DNAL1: variants seen among roughly 807,000 people sequenced by gnomAD.
DNAL1 encodes dynein axonemal light chain 1, also known as chromosome 14 open reading frame 168.
A neutral mutation model predicts 29.4 loss-of-function variants in DNAL1; 17 were observed. That is an observed-to-expected ratio of 0.58 (90% CI 0.40 to 0.87). The LOEUF (loss-of-function observed/expected upper bound fraction) is 0.87. DNAL1 is among the 40% of genes least tolerant of loss of function. The pLI is 0.00. For synonymous variants in DNAL1, 78 were observed against 76.3 expected, an observed-to-expected ratio of 1.02 and a Z score of -0.12; for missense variants, 188 against 214.1, an observed-to-expected ratio of 0.88 and a Z score of 0.76.
rs1892425829 is a variant in DNAL1 at position 73,701,027 on chromosome 14, TG to T, written c.*5086del. The stretch of plus-strand genomic sequence containing the variant: ...TCTCTATTCCTGCATTTTATAAATC[TG>T]TAAAGGAAGAAAACTGAAAGGAAGA... On this transcript the variant is annotated 3_prime_UTR_variant, in exon 8 of 8. Transcript: ENST00000553645. 6.6e-6 allele frequency: 1 copy of T among 152,246 alleles called. No homozygotes were observed. The highest frequency in any genetic ancestry group is 2.4e-5 in the African/African-American group (1 of 41,468). The allele number at this position is 152,246 out of a possible 1,614,324, so 9.4% of individuals were successfully genotyped here.
In DNAL1 at chr14:73,672,304, C is replaced by T. The variant is rs557328930; in HGVS notation, c.264+707C>T. ...GAGGTACTGATGAGTTTATAAAATG[C>T]TGGAAATTCTTAAGGGTCAGGCTGA... On this transcript the variant is annotated intron_variant, in intron 5 of 7. Coordinates refer to ENST00000553645, the MANE Select transcript of DNAL1 (RefSeq NM_031427.4). Among the ~76,000 whole-genome samples the T allele has an allele frequency of 8.1e-3, 1,227 of 152,224 alleles. 24 individuals carry two copies. The highest frequency in any genetic ancestry group is 0.028 in the African/African-American group (1,163 of 41,532).
Position 73,700,179 on chromosome 14 carries a change from C to G in DNAL1, c.*4237C>G, listed in dbSNP as rs560748708. On this transcript the variant is annotated 3_prime_UTR_variant, in exon 8 of 8. Coordinates refer to ENST00000553645, the MANE Select transcript of DNAL1 (RefSeq NM_031427.4). ...CCAGCCTGGCCAACGTGGTGAAACC[C>G]CATGTCTACCAAAAATATAAAAAGA... 4 of 152,256 alleles carry G rather than the reference C, an allele frequency of 2.6e-5. No individual in the cohort carries two copies. In the East Asian group the frequency reaches 7.7e-4, roughly 29 times the overall value. 9.4% of individuals were successfully genotyped at this position (152,256 alleles called of 1,614,324 possible).
chr14:73,702,078 G>GGTGTGTGTGTGTGTGT lies in DNAL1; in HGVS notation c.*6148_*6163dup, dbSNP rs10679978. 6.8e-6 allele frequency: 1 copy of GGTGTGTGTGTGTGTGT among 147,652 alleles called. No homozygotes were observed. The highest frequency in any genetic ancestry group is 2.0e-4 in the East Asian group (1 of 5,070). 9.1% of individuals were successfully genotyped at this position (147,652 alleles called of 1,614,324 possible). On this transcript the variant is annotated 3_prime_UTR_variant, in exon 8 of 8. Coordinates refer to ENST00000553645, the MANE Select transcript of DNAL1 (RefSeq NM_031427.4). ...ATAACATGTACCATGCAGTTTGTGT[G>GGTGTGTGTGTGTGTGT]GTGTGTGTGTGTGTGTGTGTGTGTG...
chr14:73,679,968 A>G (rs1196710548), intron 5 of DNAL1, among the ~76,000 whole-genome samples: 5 of 151,732 alleles, frequency 3.3e-5, no homozygotes, highest in African/African-American at 1.2e-4. Context: ...ACTCCTGGAT[A>G]TGCATGGGTA....
intron 4 of DNAL1, among the ~76,000 whole-genome samples, chr14:73,667,407 G>A (rs1297667688): frequency 6.6e-6 from 1 of 152,098 alleles, no homozygotes; most frequent in African/African-American, 2.4e-5. Flanking sequence ...GGGATTACAG[G>A]CATGAGCCAC....
intron 5 of DNAL1, among the ~76,000 whole-genome samples, chr14:73,678,465 CTG>C (rs1389070705): frequency 6.7e-5 from 10 of 149,888 alleles, no homozygotes; most frequent in Non-Finnish European, 1.0e-4. Context: ...GATAAAGAAA[CTG>C]AGGCTCAGTT....
chr14:73,689,315 GACC>G (rs1892107543), intron 6 of DNAL1, 57 bp from the exon 7 acceptor site: 1 of 1,541,884 alleles, frequency 6.5e-7, no homozygotes, highest in Non-Finnish European at 8.8e-7. Flanking sequence ...TACAGGCGTG[GACC>G]ACCGCACCCG....
intron 4 of DNAL1, among the ~76,000 whole-genome samples, chr14:73,666,568 T>C (rs769179818): frequency 5.7e-4 from 87 of 152,318 alleles, no homozygotes; most frequent in South Asian, 1.9e-3. Flanking sequence ...ATGGAAAATA[T>C]ATATTATGTT....
intron 1 of DNAL1, among the ~76,000 whole-genome samples, chr14:73,654,555 C>T (rs181334072): frequency 2.0e-5 from 3 of 152,168 alleles, no homozygotes; most frequent in Admixed American, 6.5e-5. Flanking sequence ...TCAAGGAGTT[C>T]GAGACCACCC....
intron 5 of DNAL1, among the ~76,000 whole-genome samples, chr14:73,673,855 G>A (rs1891668418): frequency 6.7e-6 from 1 of 149,392 alleles, no homozygotes; most frequent in African/African-American, 2.5e-5. Context: ...CTATGATTGT[G>A]CCATAGCAAT....
chr14:73,657,972 T>C (rs1891255348), intron 2 of DNAL1, among the ~76,000 whole-genome samples: 1 of 152,378 alleles, frequency 6.6e-6, no homozygotes, highest in African/African-American at 2.4e-5. Context: ...CCGTAAAATC[T>C]TCTCCTAGAC....
At chr14:73,659,538 A>G (rs954548567) in intron 3 of DNAL1, 1 of 152,152 alleles carries the variant, frequency 6.6e-6, no homozygotes, top group Non-Finnish European at 1.5e-5. Flanking sequence ...GGGAGAAGCT[A>G]AATAACACAA....
intron 4 of DNAL1, 26 bp from the exon 5 acceptor site, chr14:73,671,516 A>C (rs1471334669): frequency 7.0e-7 from 1 of 1,435,344 alleles, no homozygotes. Context: ...TCTAGTAAAC[A>C]AAAAAATGTT....
intron 1 of DNAL1, among the ~76,000 whole-genome samples, chr14:73,648,949 G>A (rs991203970): frequency 3.3e-5 from 5 of 151,116 alleles, no homozygotes; most frequent in Admixed American, 6.6e-5. Context: ...GTGATTAGAA[G>A]TGATCCTTGA....
chr14:73,670,658 C>T (rs1332748919), intron 4 of DNAL1, among the ~76,000 whole-genome samples: 1 of 151,614 alleles, frequency 6.6e-6, no homozygotes, highest in African/African-American at 2.4e-5. Context: ...CCAGAAATAG[C>T]CTATAGATAT....
chr14:73,645,009 A>T lies in DNAL1; in HGVS notation c.-31A>T. 1 of 1,608,490 alleles carries T rather than the reference A, an allele frequency of 6.2e-7. No individual in the cohort carries two copies. Among genetic ancestry groups the T allele is most frequent in the Non-Finnish European group, 8.5e-7 (1 of 1,177,846 alleles). On this transcript the variant is annotated 5_prime_UTR_variant, in exon 1 of 8. Transcript: ENST00000553645. ...GCGCACTGACCCCGCGGGCCCTAGC[A>T]ACCAGAGCAGTGACAGTAGCAACCG...
At chr14:73,647,685 C>G (rs1490075016) in intron 1 of DNAL1, among the ~76,000 whole-genome samples, 1 of 152,178 alleles carries the variant, frequency 6.6e-6, no homozygotes, top group African/African-American at 2.4e-5. Flanking sequence ...GACCTTCAGG[C>G]ATTTGAGTTT....
intron 4 of DNAL1, among the ~76,000 whole-genome samples, chr14:73,667,026 T>C (rs1019730416): frequency 6.6e-6 from 1 of 152,042 alleles, no homozygotes; most frequent in Admixed American, 6.6e-5. Context: ...ATCAGTATGC[T>C]GATGGCTCCC....
intron 5 of DNAL1, among the ~76,000 whole-genome samples, chr14:73,671,861 C>T (rs1293154795): frequency 6.6e-6 from 1 of 152,052 alleles, no homozygotes; most frequent in Admixed American, 6.6e-5. Flanking sequence ...TATTTATTGG[C>T]CATTTGAATT....
Sources: allele counts gnomAD v4.1 joint callset (sites outside exome capture counted in the v4.1 genomes callset), GRCh38; gene constraint gnomAD v4.1.1; transcripts MANE v1.5; gene names NCBI Gene and HGNC (gene_info 2026-07-23, HGNC 2026-07-21).